UBE2D4: variants seen among roughly 807,000 people sequenced by gnomAD.
The protein encoded by UBE2D4 is ubiquitin conjugating enzyme E2 D4, also known as ubiquitin-conjugating enzyme E2 D4.
Under a neutral mutation model 23.0 loss-of-function variants are expected in UBE2D4, and 17 were observed. The ratio of observed to expected loss-of-function variants is 0.74; its 90% CI spans 0.51 to 1.11. The LOEUF (loss-of-function observed/expected upper bound fraction) is 1.11. UBE2D4 is among the 50% of genes least tolerant of loss of function. The pLI is 0.00. For missense variants in UBE2D4, 139 were observed against 181.8 expected, an observed-to-expected ratio of 0.76 and a Z score of 1.35; for synonymous variants, 61 against 69.4, an observed-to-expected ratio of 0.88 and a Z score of 0.60.
chr7:43,937,541 T>C (rs1262688165), intron 1 of UBE2D4, among the ~76,000 whole-genome samples: 1 of 152,222 alleles, frequency 6.6e-6, no homozygotes, highest in Non-Finnish European at 1.5e-5. Context: ...TAATCGAGAA[T>C]TGGCCAGTGG....
rs1489386531 is a variant in UBE2D4 at position 43,944,611 on chromosome 7, C to G, written c.198+1580C>G. On this transcript the variant is annotated intron_variant, in intron 4 of 6. Transcript: ENST00000222402. The surrounding 1 kb of genome is among the most constrained non-coding windows in gnomAD (Gnocchi z 4.0). ...TACCTGGTGCCTGAGCATTTTAAATCTTTGTTAAATATGCTTAGGATCCCA... is the reference window on the plus strand; with the variant it reads ...TACCTGGTGCCTGAGCATTTTAAATGTTTGTTAAATATGCTTAGGATCCCA... 1 of 152,192 alleles carries G rather than the reference C, an allele frequency of 6.6e-6. No homozygotes were observed. The highest frequency in any genetic ancestry group is 1.9e-4 in the East Asian group (1 of 5,198). 9.4% of individuals were successfully genotyped at this position (152,192 alleles called of 1,614,324 possible).
intron 6 of UBE2D4, among the ~76,000 whole-genome samples, chr7:43,951,506 T>A (rs943613160): frequency 1.3e-5 from 2 of 152,192 alleles, no homozygotes; most frequent in African/African-American, 4.8e-5. Context: ...TTCTTTTCTG[T>A]CTGAAGAGAT....
In UBE2D4 at chr7:43,930,376, C is replaced by G. The variant is rs1363887667; in HGVS notation, c.24+3820C>G. Among the ~76,000 whole-genome samples the G allele has an allele frequency of 2.0e-5, 3 of 152,180 alleles. No homozygotes were observed. The East Asian group carries it at 5.8e-4, about 29-fold the overall frequency. ...TTTCCAATCCACAGCCCTTTCTAAC[C>G]AACTTCAACCCTTTAAAAAAATGTT... is the stretch of plus-strand genomic sequence containing the variant. On this transcript the variant is annotated intron_variant, in intron 1 of 6. Coordinates refer to ENST00000222402, the MANE Select transcript of UBE2D4 (RefSeq NM_015983.4).
chr7:43,947,085 G>C (rs1397337884), intron 4 of UBE2D4: 5 of 151,326 alleles, frequency 3.3e-5, no homozygotes. Flanking sequence ...GTGTCCCTGT[G>C]TTCTCATTGT....
Position 43,942,856 on chromosome 7 carries a change from C to CGGTA in UBE2D4, c.120+5_120+8dup. 2 of 1,614,160 alleles carry CGGTA rather than the reference C, an allele frequency of 1.2e-6. No individual in the cohort carries two copies. Among genetic ancestry groups the CGGTA allele is most frequent in the Non-Finnish European group, 1.7e-6 (2 of 1,180,028 alleles). On this transcript the variant is annotated frameshift_variant and splice_region_variant, in exon 3 of 7. Transcript: ENST00000222402. LOFTEE classifies it high-confidence loss of function. ...CACTGGCAGGCCACCATCATGGGCC[C>CGGTA]GGTAGGTAGTAGCTGCTGAGCGCAC...
chr7:43,947,993 T>C (rs2095992189), intron 4 of UBE2D4, among the ~76,000 whole-genome samples: 2 of 152,256 alleles, frequency 1.3e-5, no homozygotes, highest in African/African-American at 4.8e-5. Flanking sequence ...ATGTCTTCTT[T>C]TGAGAAGTGT....
At chr7:43,946,704 T>C (rs2095987970) in intron 4 of UBE2D4, among the ~76,000 whole-genome samples, 1 of 152,210 alleles carries the variant, frequency 6.6e-6, no homozygotes, top group Admixed American at 6.5e-5. Flanking sequence ...GTAATCAATC[T>C]GAAGACATTT....
chr7:43,950,496 A>C (rs560282631), intron 5 of UBE2D4, 103 bp from the exon 6 acceptor site: 31 of 849,110 alleles, frequency 3.7e-5, no homozygotes, highest in Non-Finnish European at 5.7e-5. Context: ...AAGGGAAGAC[A>C]ACTGCTTGGT....
At chr7:43,939,136 G>T (rs1480068844) in intron 2 of UBE2D4, among the ~76,000 whole-genome samples, 1 of 152,222 alleles carries the variant, frequency 6.6e-6, no homozygotes, top group Non-Finnish European at 1.5e-5. Flanking sequence ...TGTAAATATT[G>T]TTGGAGTTGG....
chr7:43,931,209 G>A (rs1199904909), intron 1 of UBE2D4, among the ~76,000 whole-genome samples: 1 of 152,148 alleles, frequency 6.6e-6, no homozygotes, highest in African/African-American at 2.4e-5. Context: ...GGCTAAGGCA[G>A]GTGGATGGCC....
intron 1 of UBE2D4, among the ~76,000 whole-genome samples, chr7:43,933,499 G>A (rs2095951708): frequency 6.6e-6 from 1 of 152,154 alleles, no homozygotes. Flanking sequence ...CCAGCACTTT[G>A]GGAGGCTGAG....
At position 43,930,653 on chromosome 7, in the gene UBE2D4, C is replaced by T. The variant is rs188956582; in HGVS notation, c.24+4097C>T. ...ATTTTTTGTAGAGAGTGGATTTCAC[C>T]ATGTTGCCCAGGCTGGTCTCAAACT... On this transcript the variant is annotated intron_variant, in intron 1 of 6. Transcript: ENST00000222402. Among the ~76,000 whole-genome samples the T allele has an allele frequency of 2.2e-4, 33 of 152,170 alleles. No individual in the cohort carries two copies. In the East Asian group the frequency reaches 4.8e-3, roughly 22 times the overall value.
At chr7:43,928,026 G>A (rs1389155217) in intron 1 of UBE2D4, 1 of 452,862 alleles carries the variant, frequency 2.2e-6, no homozygotes, top group Non-Finnish European at 4.4e-6. Context: ...TGTACAAGAA[G>A]CATGGTGCCA....
intron 5 of UBE2D4, 121 bp from the exon 6 acceptor site, chr7:43,950,478 G>A: frequency 1.4e-6 from 1 of 727,072 alleles, no homozygotes; most frequent in Admixed American, 2.1e-5. Flanking sequence ...ATTTAGATTG[G>A]GCTGTTGAAG....
chr7:43,929,091 A>C (rs1221604550), intron 1 of UBE2D4, among the ~76,000 whole-genome samples: 1 of 151,996 alleles, frequency 6.6e-6, no homozygotes, highest in Admixed American at 6.6e-5. Context: ...CAGGAGTTGG[A>C]GACCAACTGG....
chr7:43,941,268 A>G (rs2095971603), intron 2 of UBE2D4: 1 of 152,144 alleles, frequency 6.6e-6, no homozygotes. Context: ...GTGAGTAGGC[A>G]TTTTCCACCA....
At chr7:43,933,979 T>C (rs996126686) in intron 1 of UBE2D4, among the ~76,000 whole-genome samples, 1 of 152,192 alleles carries the variant, frequency 6.6e-6, no homozygotes, top group African/African-American at 2.4e-5. Flanking sequence ...TTTAATTGTT[T>C]TAAAAATATT....
At chr7:43,928,992 T>G (rs2095939568) in intron 1 of UBE2D4, among the ~76,000 whole-genome samples, 1 of 152,206 alleles carries the variant, frequency 6.6e-6, no homozygotes, top group Non-Finnish European at 1.5e-5. Flanking sequence ...GAACTTTTCC[T>G]TGATAAGAAT....
chr7:43,948,952 A>G (rs929148061), intron 5 of UBE2D4: 38 of 552,178 alleles, frequency 6.9e-5, no homozygotes, highest in Middle Eastern at 4.2e-4. Context: ...TCAGCAGTCA[A>G]TTGCCCTGGT....
Sources: gnomAD v4.1 joint callset for allele counts (sites outside exome capture counted in the v4.1 genomes callset) on GRCh38, gnomAD v4.1.1 for gene constraint, Gnocchi (gnomAD v3.1) non-coding constraint, MANE v1.5 for transcripts, NCBI Gene and HGNC (gene_info 2026-07-23, HGNC 2026-07-21) for gene names.